PLCD3: variants seen among roughly 807,000 people sequenced by gnomAD.
PLCD3 encodes 1-phosphatidylinositol 4,5-bisphosphate phosphodiesterase delta-3.
A neutral mutation model predicts 82.8 loss-of-function variants in PLCD3; 62 were observed. That is an observed-to-expected ratio of 0.75 (90% CI 0.61 to 0.93). The LOEUF (loss-of-function observed/expected upper bound fraction) is 0.93, where lower values mean the gene tolerates loss of function less well. Ranked by LOEUF, PLCD3 falls within the 40% of genes least tolerant of loss-of-function variation. The probability of loss-of-function intolerance (pLI) is 0.00; values close to 1 mark genes in which losing one functional copy is unlikely to be tolerated. For missense variants in PLCD3, 1,023 were observed against 1,103.4 expected, an observed-to-expected ratio of 0.93 and a Z score of 1.03; for synonymous variants, 478 against 471.8, an observed-to-expected ratio of 1.01 and a Z score of -0.17.
chr17:45,132,476 T>C lies in PLCD3; in HGVS notation c.-66A>G, dbSNP rs2054478449. 3 of 1,013,156 alleles carry C rather than the reference T, an allele frequency of 3.0e-6. No homozygotes were observed. The highest frequency in any genetic ancestry group is 4.9e-5 in the Admixed American group (1 of 20,382). 62.8% of individuals were successfully genotyped at this position (1,013,156 alleles called of 1,614,324 possible). A position where few individuals can be genotyped will look rare whatever the true frequency, so the allele number is the denominator to read the frequency against. ...CGGGGACAGGGCAGCGGGGCGCCGCTCTGGCCCGGCCCCGGCTCTGAGCGA... is the reference window on the plus strand; with the variant it reads ...CGGGGACAGGGCAGCGGGGCGCCGCCCTGGCCCGGCCCCGGCTCTGAGCGA... On this transcript the variant is annotated 5_prime_UTR_variant, in exon 1 of 15. Transcript: ENST00000619929. This position sits in a 1 kb window ranked among gnomAD's most constrained non-coding sequence, Gnocchi z 4.6.
intron 1 of PLCD3, among the ~76,000 whole-genome samples, chr17:45,126,766 C>T (rs1039372497): frequency 1.4e-4 from 21 of 151,976 alleles, no homozygotes; most frequent in African/African-American, 4.8e-4. Flanking sequence ...TCAAACAATC[C>T]ACCTACCTCA....
chr17:45,121,277 GC>G lies in PLCD3; in HGVS notation c.258del (p.Leu87CysfsTer6). On this transcript the variant is annotated frameshift_variant, in exon 2 of 15. Transcript: ENST00000619929. LOFTEE classifies it high-confidence loss of function. ...SRTWHKERLY[R>X]LQEDGLSVWF... ...CACACGCTCAGGCCGTCCTCCTGCA[GC>G]CGGTACAGCCGCTCCTTGTGCCACG... The G allele has an allele frequency of 6.3e-7, 1 of 1,587,716 alleles. No homozygotes were observed. Among genetic ancestry groups the G allele is most frequent in the Non-Finnish European group, 8.5e-7 (1 of 1,175,396 alleles).
intron 1 of PLCD3, among the ~76,000 whole-genome samples, chr17:45,125,012 G>A (rs777199329): frequency 6.6e-6 from 1 of 152,326 alleles, no homozygotes; most frequent in Middle Eastern, 3.4e-3. Flanking sequence ...CCAATATGGT[G>A]AAACCCTGTC....
chr17:45,121,696 G>C (rs1199058237), intron 1 of PLCD3, among the ~76,000 whole-genome samples: 1 of 152,208 alleles, frequency 6.6e-6, no homozygotes, highest in Non-Finnish European at 1.5e-5. Context: ...CCTCACTAAA[G>C]GTTGCCCTTT....
At chr17:45,119,137 A>G (rs972933406) in intron 4 of PLCD3, 94 bp from the exon 5 acceptor site, 9 of 923,398 alleles carry the variant, frequency 9.7e-6, no homozygotes, top group African/African-American at 6.6e-5. Context: ...TGAGAAGGCA[A>G]TGGTCCCCAT....
In PLCD3 at chr17:45,116,626, C is replaced by CGT. The variant is rs756506013; in HGVS notation, c.1413+4_1413+5dup. The CGT allele has an allele frequency of 8.3e-6, 13 of 1,568,814 alleles. No homozygotes were observed. The highest frequency in any genetic ancestry group is 1.8e-5 in the Admixed American group (1 of 56,220). ...TCCACCCAGGCTAGGGGCTGGGGGG[C>CGT]GTCACCTCTGGGGATGGCAGCTCCT... On this transcript the variant is annotated splice_donor_region_variant and intron_variant, in intron 8 of 14. Transcript: ENST00000619929.
In PLCD3 at chr17:45,112,628, G is replaced by C. The variant is rs552398305; in HGVS notation, c.2358C>G (p.Ile786Met). ...SPATLFIQIR[I>M]QRS Reference sequence around the variant, plus strand: ...GTGAGGTGGGCCCTCAGGAGCGCTGGATGCGGATTTGGATGAAGAGCGTGG... The same window carrying C: ...GTGAGGTGGGCCCTCAGGAGCGCTGCATGCGGATTTGGATGAAGAGCGTGG... Residue 786 changes from isoleucine (I) to methionine (M), a missense_variant, in exon 15 of 15, where the codon ATC becomes ATG. Transcript: ENST00000619929. The C allele has an allele frequency of 6.9e-6, 11 of 1,602,770 alleles. No homozygotes were observed. Among genetic ancestry groups the C allele is most frequent in the East Asian group, 6.7e-5 (3 of 44,466 alleles).
rs1312649346 is a variant in PLCD3, at chr17:45,118,499, G to A, written c.914-7C>T. 2.2e-5 allele frequency: 36 copies of A among 1,613,688 alleles called. No individual in the cohort carries two copies. Among genetic ancestry groups the A allele is most frequent in the Admixed American group, 3.3e-5 (2 of 60,002 alleles). ...ATCAGCTCATGCTGCTTGGCTGCAGGGGTGGCAGGAGAGGGCATCAGGCCA... is the reference window on the plus strand; with the variant it reads ...ATCAGCTCATGCTGCTTGGCTGCAGAGGTGGCAGGAGAGGGCATCAGGCCA... On this transcript the variant is annotated splice_region_variant and splice_polypyrimidine_tract_variant and intron_variant, in intron 5 of 14. Transcript: ENST00000619929. The surrounding 1 kb of genome is among the most constrained non-coding windows in gnomAD (Gnocchi z 4.1).
rs1324328280 is a variant in PLCD3 at position 45,114,258 on chromosome 17, C to T, written c.1820G>A (p.Cys607Tyr). ...YSPQEMWNSG[C>Y]QLVALNFQTP... The stretch of plus-strand genomic sequence containing the variant: ...CTGTGGCCCCCACTTACCCAGCTGA[C>T]AGCCCGAGTTCCACATCTCCTGGGG... The change falls in exon 11 of 15, where the codon TGT becomes TAT. Residue 607 changes from cysteine (C) to tyrosine (Y), a missense_variant. Physicochemically the swap from Cys to Tyr is radical, Grantham distance 194. Transcript: ENST00000619929. 3 of 1,535,558 alleles carry T rather than the reference C, an allele frequency of 2.0e-6. No homozygotes were observed. The highest frequency in any genetic ancestry group is 2.6e-6 in the Non-Finnish European group (3 of 1,139,152).
rs752349706 is a variant in PLCD3 at position 45,121,352 on chromosome 17, C to T, written c.184G>A (p.Val62Met). ...KKMGLTEDED[V>M]RAMLRGSRLR... Reference sequence around the variant, plus strand: ...CGGGAGCCCCGCAGCATGGCGCGCACGTCCTCGTCCTCCGTCAGGCCTGGC... The same window carrying T: ...CGGGAGCCCCGCAGCATGGCGCGCATGTCCTCGTCCTCCGTCAGGCCTGGC... The change falls in exon 2 of 15, where the codon GTG (valine) becomes ATG (methionine). Residue 62 changes from valine to methionine, a missense_variant. Val to Met is a conservative substitution (Grantham distance 21). Around this residue, in one of 3 missense-constraint regions of PLCD3, gnomAD observed 448 missense variants for 406.3 expected, o/e 1.10. Transcript: ENST00000619929. 22 of 1,533,464 alleles carry T rather than the reference C, an allele frequency of 1.4e-5. No homozygotes were observed. In the East Asian group the frequency reaches 1.5e-4, roughly 10 times the overall value. 95.0% of individuals were successfully genotyped at this position (1,533,464 alleles called of 1,614,324 possible).
rs1209566644 is a variant in PLCD3, at chr17:45,110,968, CT to C, written c.*1647del. On this transcript the variant is annotated 3_prime_UTR_variant, in exon 15 of 15. Transcript: ENST00000619929. The stretch of plus-strand genomic sequence containing the variant: ...GCCCTGTGTTTTGGTTTCTGTGGGG[CT>C]TGGGGCCAGTTCAAGGCCTATCCCA... 6.6e-6 allele frequency: 1 copy of C among 152,244 alleles called. No homozygotes were observed. Among genetic ancestry groups the C allele is most frequent in the East Asian group, 1.9e-4 (1 of 5,188 alleles). The allele number at this position is 152,244 out of a possible 1,614,324, so 9.4% of individuals were successfully genotyped here.
Position 45,118,640 on chromosome 17 carries a change from C to A in PLCD3, c.914-148G>T, listed in dbSNP as rs934690483. ...GTAAGTCATGCCACTTAACCTTCGA[C>A]CAGACCCTGGGAGGAAGACAAACTG... is the stretch of plus-strand genomic sequence containing the variant. On this transcript the variant is annotated intron_variant, in intron 5 of 14. Transcript: ENST00000619929. This position sits in a 1 kb window ranked among gnomAD's most constrained non-coding sequence, Gnocchi z 4.1. 2.6e-6 allele frequency: 3 copies of A among 1,154,026 alleles called. No homozygotes were observed. The African/African-American group carries it at 4.6e-5, about 18-fold the overall frequency. 71.5% of individuals were successfully genotyped at this position (1,154,026 alleles called of 1,614,324 possible).
At chr17:45,119,500 T>C (rs1398044337) in intron 4 of PLCD3, among the ~76,000 whole-genome samples, 1 of 152,176 alleles carries the variant, frequency 6.6e-6, no homozygotes, top group Non-Finnish European at 1.5e-5. Flanking sequence ...CCTCTCAAAG[T>C]GCTGGGATGA....
In PLCD3 at chr17:45,110,423, G is replaced by A. The variant is rs1014240939; in HGVS notation, c.*2193C>T. The A allele has an allele frequency of 2.9e-4, 42 of 146,524 alleles. No individual in the cohort carries two copies. Among genetic ancestry groups the A allele is most frequent in the African/African-American group, 1.0e-3 (40 of 38,950 alleles). 9.1% of individuals were successfully genotyped at this position (146,524 alleles called of 1,614,324 possible). A position where few individuals can be genotyped will look rare whatever the true frequency, so the allele number is the denominator to read the frequency against. On this transcript the variant is annotated 3_prime_UTR_variant, in exon 15 of 15. Transcript: ENST00000619929. ...CACGCCATCGCACTCCATCCTGGGGGACGAGCAAGACTTTGTCTCAAAAGA... is the reference window on the plus strand; with the variant it reads ...CACGCCATCGCACTCCATCCTGGGGAACGAGCAAGACTTTGTCTCAAAAGA...
In PLCD3 at chr17:45,118,277, C is replaced by T; in HGVS notation, c.1115+14G>A. ...GGTGGGGCTCCCGGAAACATTCACC[C>T]CCTGCTACAGTACCTAACATAGGCC... On this transcript the variant is annotated intron_variant, in intron 6 of 14. Transcript: ENST00000619929. This position sits in a 1 kb window ranked among gnomAD's most constrained non-coding sequence, Gnocchi z 4.1. The T allele has an allele frequency of 6.2e-7, 1 of 1,613,942 alleles. No homozygotes were observed. The highest frequency in any genetic ancestry group is 8.5e-7 in the Non-Finnish European group (1 of 1,179,846).
Position 45,132,412 on chromosome 17 carries a change from G to A in PLCD3, c.-2C>T. ...ACGCCTCCAGCGGCCGCACAGCATG[G>A]CTTGGCGGGGGGCCGGGGCCGGGCC... On this transcript the variant is annotated 5_prime_UTR_variant, in exon 1 of 15. Coordinates refer to ENST00000619929, the MANE Select transcript of PLCD3 (RefSeq NM_133373.5). The surrounding 1 kb of genome is among the most constrained non-coding windows in gnomAD (Gnocchi z 4.6). 8.2e-7 allele frequency: 1 copy of A among 1,215,814 alleles called. No homozygotes were observed. The highest frequency in any genetic ancestry group is 1.0e-6 in the Non-Finnish European group (1 of 977,790). 75.3% of individuals were successfully genotyped at this position (1,215,814 alleles called of 1,614,324 possible). A position where few individuals can be genotyped will look rare whatever the true frequency, so the allele number is the denominator to read the frequency against.
At chr17:45,124,518 C>T (rs182923606) in intron 1 of PLCD3, among the ~76,000 whole-genome samples, 75 of 152,320 alleles carry the variant, frequency 4.9e-4, no homozygotes, top group African/African-American at 9.1e-4. Flanking sequence ...CCCCACTGCT[C>T]GTGCTTCTGA....
chr17:45,113,106 G>A lies in PLCD3; in HGVS notation c.2131+16C>T, dbSNP rs550612771. On this transcript the variant is annotated intron_variant, in intron 13 of 14. Transcript: ENST00000619929. Reference sequence around the variant, plus strand: ...TGCAGTCTCCCCCAACCCCACTTCCGCCAGTGGCTGCCCACCATTGTTGAG... The same window carrying A: ...TGCAGTCTCCCCCAACCCCACTTCCACCAGTGGCTGCCCACCATTGTTGAG... The A allele has an allele frequency of 2.9e-5, 47 of 1,613,004 alleles. No homozygotes were observed. In the African/African-American group the frequency reaches 5.3e-4, roughly 18 times the overall value.
chr17:45,120,371 A>T lies in PLCD3; in HGVS notation c.638T>A (p.Met213Lys), dbSNP rs762317335. Residue 213 changes from methionine (M) to lysine (K), a missense_variant, in exon 4 of 15, where the codon ATG (methionine) becomes AAG (lysine). Around this residue, in one of 3 missense-constraint regions of PLCD3, gnomAD observed 448 missense variants for 406.3 expected, o/e 1.10. Transcript: ENST00000619929. ...CATGTCGTTCATGTCCACGTTGACC[A>T]TTCTCAGCAGGCTCTTGATCTCCTT... ...SFKEIKSLLR[M>K]VNVDMNDMYA... The T allele has an allele frequency of 5.6e-6, 9 of 1,613,920 alleles. No individual in the cohort carries two copies. Among genetic ancestry groups the T allele is most frequent in the Non-Finnish European group, 1.7e-6 (2 of 1,179,888 alleles).
Sources: allele counts gnomAD v4.1 joint callset (sites outside exome capture counted in the v4.1 genomes callset), GRCh38; gene constraint gnomAD v4.1.1; regional missense constraint gnomAD v4.1.1; non-coding constraint Gnocchi (gnomAD v3.1); transcripts MANE v1.5; gene names NCBI Gene and HGNC (gene_info 2026-07-23, HGNC 2026-07-21).